The following CYSTM1 variants were observed in gnomAD, a reference collection of about 807,000 sequenced individuals.
CYSTM1 encodes the protein cysteine-rich transmembrane module-containing protein 1.
Under a neutral mutation model 13.1 loss-of-function variants are expected in CYSTM1, and 4 were observed. The ratio of observed to expected loss-of-function variants is 0.31; its 90% CI spans 0.15 to 0.70. The LOEUF (loss-of-function observed/expected upper bound fraction) is 0.70, where lower values mean the gene tolerates loss of function less well. CYSTM1 is among the 30% of genes least tolerant of loss of function. The probability of loss-of-function intolerance (pLI) is 0.72; values close to 1 mark genes in which losing one functional copy is unlikely to be tolerated. For synonymous variants in CYSTM1, 36 were observed against 42.7 expected (o/e 0.84, Z 0.62); for missense variants, 96 against 121.6 (o/e 0.79, Z 0.99).
chr5:140,221,833 A>G (rs1210405853), intron 2 of CYSTM1, among the ~76,000 whole-genome samples: 1 of 152,210 alleles, frequency 6.6e-6, no homozygotes, highest in African/African-American at 2.4e-5. Context: ...CTCCAGCATA[A>G]CTATCACTGG....
At chr5:140,232,445 G>A (rs1177893741) in intron 2 of CYSTM1, among the ~76,000 whole-genome samples, 2 of 152,138 alleles carry the variant, frequency 1.3e-5, no homozygotes, top group African/African-American at 4.8e-5. Flanking sequence ...AATTCTGGAT[G>A]GATCTGCAAA....
At chr5:140,194,413 A>G (rs1764127149) in intron 1 of CYSTM1, 33 bp from the exon 2 acceptor site, 1 of 1,508,816 alleles carries the variant, frequency 6.6e-7, no homozygotes, top group Non-Finnish European at 8.9e-7. Context: ...CCACAGTTAA[A>G]TGCAAATAAT....
chr5:140,214,182 A>G (rs578183054), intron 2 of CYSTM1, among the ~76,000 whole-genome samples: 4 of 152,192 alleles, frequency 2.6e-5, no homozygotes, highest in Non-Finnish European at 5.9e-5. Flanking sequence ...CACTTCAATG[A>G]TGGTCTCCCT....
intron 1 of CYSTM1, among the ~76,000 whole-genome samples, chr5:140,177,009 C>G (rs1389659514): frequency 2.1e-5 from 3 of 144,690 alleles, no homozygotes; most frequent in Non-Finnish European, 4.5e-5. Context: ...GTGGAGCTTG[C>G]AGTGAGCCGA....
chr5:140,198,702 C>T (rs762098699), intron 2 of CYSTM1, among the ~76,000 whole-genome samples: 4 of 152,104 alleles, frequency 2.6e-5, no homozygotes, highest in Non-Finnish European at 4.4e-5. Flanking sequence ...TTGGTATATT[C>T]GACATACAAT....
At chr5:140,202,894 C>T (rs1764249323) in intron 2 of CYSTM1, 1 of 152,180 alleles carries the variant, frequency 6.6e-6, no homozygotes, top group Admixed American at 6.5e-5. Context: ...ATTTGATTAA[C>T]TTCAACCCTA....
In CYSTM1 at chr5:140,194,545, G is replaced by T; in HGVS notation, c.80G>T (p.Gly27Val). The T allele has an allele frequency of 6.2e-7, 1 of 1,613,782 alleles. No individual in the cohort carries two copies. The highest frequency in any genetic ancestry group is 8.5e-7 in the Non-Finnish European group (1 of 1,179,860). The change falls in exon 2 of 3, where the codon GGT (glycine) becomes GTT (valine). Residue 27 changes from glycine to valine, a missense_variant. Coordinates refer to ENST00000261811, the MANE Select transcript of CYSTM1 (RefSeq NM_032412.4). ...PYPPYPPQPM[G>V]PGPMGGPYPP... The stretch of plus-strand genomic sequence containing the variant: ...CCACCTTATCCACCACAACCAATGG[G>T]TCCAGGACCTATGGGGGGACCCTAC...
intron 2 of CYSTM1, among the ~76,000 whole-genome samples, chr5:140,220,859 G>A (rs1195915864): frequency 6.6e-6 from 1 of 152,060 alleles, no homozygotes; most frequent in South Asian, 2.1e-4. Flanking sequence ...GTCCAGGCTG[G>A]CTCCAGGGGC....
intron 2 of CYSTM1, among the ~76,000 whole-genome samples, chr5:140,196,629 C>T (rs1764162434): frequency 6.6e-6 from 1 of 152,114 alleles, no homozygotes; most frequent in Admixed American, 6.6e-5. Context: ...GAAGTATAAC[C>T]AGTATAATCG....
chr5:140,215,230 T>C (rs1373110361), intron 2 of CYSTM1, among the ~76,000 whole-genome samples: 1 of 152,230 alleles, frequency 6.6e-6, no homozygotes, highest in Non-Finnish European at 1.5e-5. Context: ...ATATTCTGCT[T>C]ATATTGTGGC....
At chr5:140,211,085 T>C in intron 2 of CYSTM1, among the ~76,000 whole-genome samples, 1 of 152,156 alleles carries the variant, frequency 6.6e-6, no homozygotes, top group East Asian at 1.9e-4. Flanking sequence ...GGCCAGTGGT[T>C]TAAGTTTTTA....
chr5:140,216,533 C>T (rs577792775), intron 2 of CYSTM1, among the ~76,000 whole-genome samples: 1 of 152,142 alleles, frequency 6.6e-6, no homozygotes, highest in African/African-American at 2.4e-5. Context: ...AGTAACCTGC[C>T]CTGGTTTTCT....
intron 1 of CYSTM1, among the ~76,000 whole-genome samples, chr5:140,182,380 A>G (rs1763969794): frequency 6.6e-6 from 1 of 152,214 alleles, no homozygotes; most frequent in Non-Finnish European, 1.5e-5. Context: ...TAGGAAGGCC[A>G]CAGAATGAAG....
intron 2 of CYSTM1, chr5:140,201,932 CTTTTTTTTTTTTT>C (rs10570721): frequency 1.1e-5 from 1 of 91,938 alleles, no homozygotes; most frequent in Non-Finnish European, 2.1e-5. Flanking sequence ...CTCTAATACT[CTTTTTTTTTTTTT>C]TTTTTTTTTT....
chr5:140,176,585 CTT>C (rs1763888368), intron 1 of CYSTM1, among the ~76,000 whole-genome samples: 1 of 152,170 alleles, frequency 6.6e-6, no homozygotes, highest in Non-Finnish European at 1.5e-5. Context: ...GTCCACAACA[CTT>C]TGCCCTTCAG....
rs1554131560 is a variant in CYSTM1 at position 140,177,078 on chromosome 5, A to AAAAACAAAAAAC, written c.-21+1797_-21+1798insCAAAAAACAAAA. ...AGCGAGACTCTGTCTCAAAAAAAAA[A>AAAAACAAAAAAC]AAAAAAAAATCTCTAGTCCTTTCCT... is the stretch of plus-strand genomic sequence containing the variant. On this transcript the variant is annotated intron_variant, in intron 1 of 2. Coordinates refer to ENST00000261811, the MANE Select transcript of CYSTM1 (RefSeq NM_032412.4). Among the ~76,000 whole-genome samples the AAAAACAAAAAAC allele has an allele frequency of 3.8e-4, 52 of 135,614 alleles. 2 individuals carry two copies. The highest frequency in any genetic ancestry group is 1.4e-3 in the African/African-American group (52 of 38,076). 89.0% of individuals were successfully genotyped at this position (135,614 alleles called of 152,430 possible). A position where few individuals can be genotyped will look rare whatever the true frequency, so the allele number is the denominator to read the frequency against.
chr5:140,180,989 G>A (rs576322542), intron 1 of CYSTM1, among the ~76,000 whole-genome samples: 17 of 152,244 alleles, frequency 1.1e-4, no homozygotes, highest in South Asian at 1.0e-3. Flanking sequence ...AGAAAACATC[G>A]TAACTGAAAA....
At chr5:140,238,468 A>G (rs953154112) in intron 2 of CYSTM1, among the ~76,000 whole-genome samples, 1 of 152,192 alleles carries the variant, frequency 6.6e-6, no homozygotes, top group Non-Finnish European at 1.5e-5. Flanking sequence ...CCTTCGCCCT[A>G]TCACTCTCCC....
intron 2 of CYSTM1, among the ~76,000 whole-genome samples, chr5:140,209,265 TTTTC>T (rs1764334782): frequency 7.0e-6 from 1 of 143,082 alleles, no homozygotes. Flanking sequence ...ACTTTCTTTC[TTTTC>T]TTTTTTTTTT....
Sources: gnomAD v4.1 joint callset for allele counts (sites outside exome capture counted in the v4.1 genomes callset) on GRCh38, gnomAD v4.1.1 for gene constraint, MANE v1.5 for transcripts, NCBI Gene and HGNC (gene_info 2026-07-23, HGNC 2026-07-21) for gene names.